The following KCNK13 variants were observed in gnomAD, a reference collection of about 807,000 sequenced individuals.
The protein encoded by KCNK13 is potassium channel subfamily K member 13.
A neutral mutation model predicts 23.4 loss-of-function variants in KCNK13; 12 were observed. That is an observed-to-expected ratio of 0.51 (90% CI 0.33 to 0.83). The LOEUF (loss-of-function observed/expected upper bound fraction) is 0.83. Ranked by LOEUF, KCNK13 falls within the 40% of genes least tolerant of loss-of-function variation. The probability of loss-of-function intolerance (pLI) is 0.02; values close to 1 mark genes in which losing one functional copy is unlikely to be tolerated. For missense variants in KCNK13, 463 were observed against 556.3 expected (o/e 0.83, Z 1.69); for synonymous variants, 231 against 229.5 (o/e 1.01, Z -0.06).
chr14:90,107,096 G>T (rs771197852), intron 1 of KCNK13, among the ~76,000 whole-genome samples: 10 of 152,138 alleles, frequency 6.6e-5, no homozygotes, highest in South Asian at 2.1e-4. Flanking sequence ...TGTACCTGCG[G>T]GTAGGCTGAC....
chr14:90,115,840 T>C (rs1889670773), intron 1 of KCNK13, among the ~76,000 whole-genome samples: 1 of 152,210 alleles, frequency 6.6e-6, no homozygotes, highest in Admixed American at 6.5e-5. Context: ...TGCCCAGGCA[T>C]TGGTATTTAT....
intron 1 of KCNK13, among the ~76,000 whole-genome samples, chr14:90,157,141 T>C (rs1335431302): frequency 6.6e-6 from 1 of 152,238 alleles, no homozygotes. Context: ...TGAAATGCCA[T>C]CTGGACCATC....
intron 1 of KCNK13, among the ~76,000 whole-genome samples, chr14:90,125,104 TAGAA>T (rs937830492): frequency 6.6e-6 from 1 of 152,094 alleles, no homozygotes; most frequent in African/African-American, 2.4e-5. Context: ...AATAAAAATA[TAGAA>T]AGAAATGATC....
intron 1 of KCNK13, among the ~76,000 whole-genome samples, chr14:90,116,454 C>T (rs7154891): frequency 0.24 from 36,990 of 151,984 alleles, 4,774 homozygotes; most frequent in Non-Finnish European, 0.29. Flanking sequence ...TATGGCAGAC[C>T]GCATCCCTGA....
intron 1 of KCNK13, among the ~76,000 whole-genome samples, chr14:90,095,441 C>G (rs1889399518): frequency 1.3e-5 from 2 of 152,204 alleles, no homozygotes; most frequent in South Asian, 4.1e-4. Flanking sequence ...GATTTTTGCT[C>G]TTCCTTGAGA....
At chr14:90,114,673 T>C (rs753718751) in intron 1 of KCNK13, among the ~76,000 whole-genome samples, 83 of 152,332 alleles carry the variant, frequency 5.4e-4, no homozygotes, top group Admixed American at 2.7e-3. Context: ...AATTACAGCC[T>C]CTGGGCAGGG....
chr14:90,179,319 T>A (rs1022127313), intron 1 of KCNK13, among the ~76,000 whole-genome samples: 1 of 138,038 alleles, frequency 7.2e-6, no homozygotes, highest in African/African-American at 2.5e-5. Context: ...AATACAAAGC[T>A]TTTACTTTTT....
intron 1 of KCNK13, among the ~76,000 whole-genome samples, chr14:90,085,792 ACTT>A (rs1889266897): frequency 2.2e-5 from 2 of 90,696 alleles, no homozygotes; most frequent in Non-Finnish European, 4.3e-5. Flanking sequence ...TATATTATAT[ACTT>A]TATATTATAT....
At chr14:90,069,243 G>A (rs1353090339) in intron 1 of KCNK13, among the ~76,000 whole-genome samples, 4 of 151,952 alleles carry the variant, frequency 2.6e-5, no homozygotes, top group African/African-American at 4.8e-5. Context: ...CACCATGTTG[G>A]TCAGGCTGGT....
chr14:90,067,570 A>C (rs187491811), intron 1 of KCNK13, among the ~76,000 whole-genome samples: 68 of 152,330 alleles, frequency 4.5e-4, no homozygotes, highest in African/African-American at 1.6e-3. Context: ...ATTTAATGCT[A>C]TTGAATTGTA....
At chr14:90,159,001 C>T (rs1212387024) in intron 1 of KCNK13, among the ~76,000 whole-genome samples, 2 of 152,164 alleles carry the variant, frequency 1.3e-5, no homozygotes, top group Admixed American at 6.5e-5. Context: ...ACAGGATACC[C>T]TAGACTGGGA....
At chr14:90,070,997 A>G (rs1681545431) in intron 1 of KCNK13, among the ~76,000 whole-genome samples, 1 of 152,212 alleles carries the variant, frequency 6.6e-6, no homozygotes, top group Admixed American at 6.5e-5. Context: ...ATATCTGGAA[A>G]TTAGAGCTGT....
At chr14:90,089,942 G>A (rs1889322709) in intron 1 of KCNK13, among the ~76,000 whole-genome samples, 1 of 152,228 alleles carries the variant, frequency 6.6e-6, no homozygotes, top group Non-Finnish European at 1.5e-5. Context: ...TCCGAGGATG[G>A]TGGAAATGCC....
At chr14:90,106,069 C>G (rs11628202) in intron 1 of KCNK13, among the ~76,000 whole-genome samples, 11,337 of 152,228 alleles carry the variant, frequency 0.074, 540 homozygotes, top group South Asian at 0.15. Flanking sequence ...CATTCCATCT[C>G]CCTGGGTTTC....
chr14:90,120,552 A>G (rs1889726653), intron 1 of KCNK13, among the ~76,000 whole-genome samples: 1 of 152,206 alleles, frequency 6.6e-6, no homozygotes, highest in Non-Finnish European at 1.5e-5. Context: ...CCAGCAGGGA[A>G]AATGTCAGAC....
At chr14:90,084,851 C>G (rs1490917092) in intron 1 of KCNK13, among the ~76,000 whole-genome samples, 1 of 152,044 alleles carries the variant, frequency 6.6e-6, no homozygotes, top group East Asian at 1.9e-4. Context: ...TTGCCAAATT[C>G]TTTTTCCACA....
At chr14:90,090,158 T>C (rs1207807496) in intron 1 of KCNK13, among the ~76,000 whole-genome samples, 2 of 152,342 alleles carry the variant, frequency 1.3e-5, no homozygotes, top group Non-Finnish European at 2.9e-5. Flanking sequence ...TTGCACCATG[T>C]GCCTGGAAAA....
Position 90,071,445 on chromosome 14 carries a change from T to A in KCNK13, c.334+8906T>A, listed in dbSNP as rs150139360. On this transcript the variant is annotated intron_variant, in intron 1 of 1. Transcript: ENST00000282146. Reference sequence around the variant, plus strand: ...CTTATCCCTAAACTCCTCCCCAACTTTCTCCCAACCATCAGCCCTCTGTCT... The same window carrying A: ...CTTATCCCTAAACTCCTCCCCAACTATCTCCCAACCATCAGCCCTCTGTCT... Among the ~76,000 whole-genome samples the A allele has an allele frequency of 3.5e-3, 534 of 152,242 alleles. 4 individuals are homozygous for A. Among genetic ancestry groups the A allele is most frequent in the African/African-American group, 0.013 (522 of 41,540 alleles).
At chr14:90,127,788 C>T (rs1054412140) in intron 1 of KCNK13, among the ~76,000 whole-genome samples, 3 of 133,704 alleles carry the variant, frequency 2.2e-5, no homozygotes, top group Non-Finnish European at 4.6e-5. Flanking sequence ...CACTGCAGTC[C>T]AGCCTGGTAG....
Sources: allele counts gnomAD v4.1 joint callset (sites outside exome capture counted in the v4.1 genomes callset), GRCh38; gene constraint gnomAD v4.1.1; transcripts MANE v1.5; gene names NCBI Gene and HGNC (gene_info 2026-07-23, HGNC 2026-07-21).